Variants in FCHSD2 observed in about 807,000 individuals in gnomAD.
FCHSD2 encodes FCH and double SH3 domains 2, also known as F-BAR and double SH3 domains protein 2.
In FCHSD2, 38 loss-of-function variants were observed where a neutral mutation model predicts 108.1. That is an observed-to-expected ratio of 0.35 (90% CI 0.27 to 0.46). FCHSD2 has a LOEUF of 0.46. Ranked by LOEUF, FCHSD2 falls within the 20% of genes least tolerant of loss-of-function variation. The pLI is 1.00. For missense variants in FCHSD2, 751 were observed against 897.8 expected, an observed-to-expected ratio of 0.84 and a Z score of 2.09; for synonymous variants, 279 against 314.7, an observed-to-expected ratio of 0.89 and a Z score of 1.20.
intron 10 of FCHSD2, among the ~76,000 whole-genome samples, chr11:72,902,163 C>A (rs989724352): frequency 1.3e-5 from 2 of 152,152 alleles, no homozygotes; most frequent in Non-Finnish European, 2.9e-5. Flanking sequence ...GCGTGAGCCA[C>A]AGCGCACGGC....
intron 8 of FCHSD2, among the ~76,000 whole-genome samples, chr11:72,982,978 T>C (rs561364903): frequency 2.2e-4 from 34 of 152,082 alleles, no homozygotes; most frequent in African/African-American, 4.3e-4. Flanking sequence ...CTGGTCAACA[T>C]AGCAAGACTC....
chr11:72,973,459 A>G (rs1591447738), intron 8 of FCHSD2, among the ~76,000 whole-genome samples: 1 of 152,240 alleles, frequency 6.6e-6, no homozygotes, highest in Non-Finnish European at 1.5e-5. Context: ...AAAGATAACA[A>G]AGAAAGTTAA....
intron 8 of FCHSD2, among the ~76,000 whole-genome samples, chr11:72,959,510 C>G (rs1249543447): frequency 6.6e-6 from 1 of 151,660 alleles, no homozygotes; most frequent in African/African-American, 2.4e-5. Flanking sequence ...GCTGGGATAA[C>G]AGGCGTGAGC....
chr11:73,087,149 A>G (rs1859836372), intron 2 of FCHSD2, among the ~76,000 whole-genome samples: 1 of 152,162 alleles, frequency 6.6e-6, no homozygotes, highest in South Asian at 2.1e-4. Flanking sequence ...AATATTGATG[A>G]TTCTGACAGT....
intron 2 of FCHSD2, among the ~76,000 whole-genome samples, chr11:73,101,187 C>A (rs574522559): frequency 1.3e-5 from 2 of 152,236 alleles, no homozygotes; most frequent in African/African-American, 4.8e-5. Context: ...AGAAACATGA[C>A]ATTTATTCAT....
At position 72,902,581 on chromosome 11, in the gene FCHSD2, G is replaced by A. The variant is rs773389977; in HGVS notation, c.886C>T (p.Pro296Ser). 65 of 1,589,714 alleles carry A rather than the reference G, an allele frequency of 4.1e-5. 1 individual carries two copies. The South Asian group carries it at 5.9e-4, about 14-fold the overall frequency. ...CAAGGCTGGAACTGGAAGGGCTGGG[G>A]TTTGTGAAATACAGCGTTTTCTTGC... is the stretch of plus-strand genomic sequence containing the variant. The part of the protein sequence containing the change: ...FLQENAVFHK[P>S]QPFQFQPCDS... The change falls in exon 10 of 20, where the codon CCC (proline) becomes TCC (serine). Residue 296 changes from proline to serine, a missense_variant. Coordinates refer to ENST00000409418, the MANE Select transcript of FCHSD2 (RefSeq NM_014824.3).
Position 72,940,830 on chromosome 11 carries a change from G to A in FCHSD2, c.706-18880C>T, listed in dbSNP as rs911455780. On this transcript the variant is annotated intron_variant, in intron 8 of 19. Transcript: ENST00000409418. ...AGGAGTGAGCTGGATGCCACTGTGGGGCTCTTAGAGTCCTGAATTCTTATT... is the reference window on the plus strand; with the variant it reads ...AGGAGTGAGCTGGATGCCACTGTGGAGCTCTTAGAGTCCTGAATTCTTATT... The A allele has an allele frequency of 2.1e-5, 19 of 896,494 alleles. No homozygotes were observed. In the African/African-American group the frequency reaches 3.1e-4, roughly 15 times the overall value. 55.5% of individuals were successfully genotyped at this position (896,494 alleles called of 1,614,324 possible).
At chr11:73,129,995 T>C (rs1203614381) in intron 2 of FCHSD2, among the ~76,000 whole-genome samples, 3 of 151,174 alleles carry the variant, frequency 2.0e-5, no homozygotes, top group Non-Finnish European at 4.4e-5. Context: ...TCTCCTGCCT[T>C]AGCCCCCACC....
intron 9 of FCHSD2, among the ~76,000 whole-genome samples, chr11:72,921,297 C>T (rs913951616): frequency 6.6e-6 from 1 of 152,226 alleles, no homozygotes; most frequent in Non-Finnish European, 1.5e-5. Context: ...TTTATTTTCT[C>T]TGCATACAAT....
chr11:73,107,081 G>A (rs1324095241), intron 2 of FCHSD2, among the ~76,000 whole-genome samples: 1 of 151,996 alleles, frequency 6.6e-6, no homozygotes, highest in African/African-American at 2.4e-5. Flanking sequence ...TCTGTCACCA[G>A]GCTGCAGTGC....
At position 72,984,093 on chromosome 11, in the gene FCHSD2, T is replaced by C. The variant is rs749733650; in HGVS notation, c.700A>G (p.Met234Val). 3 of 1,611,654 alleles carry C rather than the reference T, an allele frequency of 1.9e-6. No homozygotes were observed. The highest frequency in any genetic ancestry group is 1.1e-5 in the South Asian group (1 of 90,804). Residue 234 changes from methionine (M) to valine (V), a missense_variant, in exon 8 of 20, where the codon ATG becomes GTG. By Grantham distance (21) the Met-to-Val change is conservative (BLOSUM62 1). Coordinates refer to ENST00000409418, the MANE Select transcript of FCHSD2 (RefSeq NM_014824.3). ...AGATATGAAAGCTGTATTACCTTCA[T>C]AATGTTAACTAAATCTGTTTGATAG... ...RYYQTDLVNIMKALDGNVYDH... is the reference protein window; with the variant it reads ...RYYQTDLVNIVKALDGNVYDH...
intron 2 of FCHSD2, among the ~76,000 whole-genome samples, chr11:73,114,521 T>C (rs1198644841): frequency 6.6e-6 from 1 of 152,080 alleles, no homozygotes; most frequent in East Asian, 1.9e-4. Context: ...GTAGCCACCA[T>C]AGCTGGAAAT....
intron 12 of FCHSD2, among the ~76,000 whole-genome samples, chr11:72,876,001 T>C (rs774734758): frequency 2.0e-5 from 3 of 152,166 alleles, no homozygotes; most frequent in Non-Finnish European, 4.4e-5. Flanking sequence ...ATTGCTTGAG[T>C]AACCTCAGGC....
At chr11:72,900,336 G>C (rs761423799) in intron 10 of FCHSD2, 20 of 1,542,874 alleles carry the variant, frequency 1.3e-5, no homozygotes, top group Non-Finnish European at 1.8e-5. Flanking sequence ...ACTCTGCCCA[G>C]TAAAGATTGC....
intron 3 of FCHSD2, among the ~76,000 whole-genome samples, chr11:73,055,114 GCACTTATAAAAACCAT>G (rs1279205030): frequency 6.6e-6 from 1 of 152,018 alleles, no homozygotes; most frequent in East Asian, 1.9e-4. Flanking sequence ...AAAATGCCAG[GCACTTATAAAAACCAT>G]CAGATCTCGA....
chr11:72,930,671 G>GCC (rs1856171117), intron 8 of FCHSD2, among the ~76,000 whole-genome samples: 1 of 152,096 alleles, frequency 6.6e-6, no homozygotes, highest in Admixed American at 6.5e-5. Flanking sequence ...CTAGAACCTG[G>GCC]GAGGGAGGCT....
intron 8 of FCHSD2, among the ~76,000 whole-genome samples, chr11:72,965,003 A>G (rs1465478413): frequency 6.6e-6 from 1 of 151,948 alleles, no homozygotes; most frequent in Non-Finnish European, 1.5e-5. Context: ...GTTAGCCAGG[A>G]TGGTCTCAAT....
At chr11:73,022,044 T>C (rs1858122041) in intron 3 of FCHSD2, among the ~76,000 whole-genome samples, 1 of 152,120 alleles carries the variant, frequency 6.6e-6, no homozygotes, top group Non-Finnish European at 1.5e-5. Flanking sequence ...CAGTGAGCCA[T>C]GACTGCACCA....
At chr11:72,974,274 A>G (rs766282956) in intron 8 of FCHSD2, among the ~76,000 whole-genome samples, 7 of 152,240 alleles carry the variant, frequency 4.6e-5, no homozygotes, top group Non-Finnish European at 1.0e-4. Flanking sequence ...GCAACAGAAC[A>G]CAAGAGGGAA....
Sources: allele counts gnomAD v4.1 joint callset (sites outside exome capture counted in the v4.1 genomes callset), GRCh38; gene constraint gnomAD v4.1.1; transcripts MANE v1.5; gene names NCBI Gene and HGNC (gene_info 2026-07-23, HGNC 2026-07-21).